SOBP: variants seen among roughly 807,000 people sequenced by gnomAD.
SOBP encodes the protein sine oculis binding protein homolog, also known as sine oculis-binding protein homolog.
SOBP carries 4 observed loss-of-function variants against 53.6 expected under a neutral mutation model. That is an observed-to-expected ratio of 0.07 (90% CI 0.04 to 0.17). The LOEUF (loss-of-function observed/expected upper bound fraction) is 0.17. Ranked by LOEUF, SOBP falls within the 10% of genes least tolerant of loss-of-function variation. The probability of loss-of-function intolerance (pLI) is 1.00; values close to 1 mark genes in which losing one functional copy is unlikely to be tolerated. For synonymous variants in SOBP, 584 were observed against 522.6 expected (o/e 1.12, Z -1.60); for missense variants, 1,088 against 1,204.7 (o/e 0.90, Z 1.43).
intron 5 of SOBP, among the ~76,000 whole-genome samples, chr6:107,602,128 A>G (rs1271838505): frequency 1.3e-5 from 2 of 152,238 alleles, no homozygotes; most frequent in Non-Finnish European, 2.9e-5. Context: ...GATGAGAGCA[A>G]TTTCCATTAA....
chr6:107,542,653 A>G (rs997990519), intron 4 of SOBP, among the ~76,000 whole-genome samples: 1 of 152,204 alleles, frequency 6.6e-6, no homozygotes, highest in Non-Finnish European at 1.5e-5. Context: ...AAAACTAAAA[A>G]TATCTTATTC....
At chr6:107,549,027 G>T (rs923092353) in intron 4 of SOBP, among the ~76,000 whole-genome samples, 1 of 152,116 alleles carries the variant, frequency 6.6e-6, no homozygotes, top group East Asian at 1.9e-4. Flanking sequence ...CAGCACTTTG[G>T]GGGGCCGAGG....
intron 4 of SOBP, among the ~76,000 whole-genome samples, chr6:107,570,397 C>T (rs1408319203): frequency 2.6e-5 from 4 of 152,152 alleles, no homozygotes; most frequent in Admixed American, 6.5e-5. Context: ...GGAATTTTTA[C>T]CTTGATATTC....
intron 6 of SOBP, among the ~76,000 whole-genome samples, chr6:107,637,909 CAGA>C (rs1475432455): frequency 2.6e-5 from 4 of 152,232 alleles, no homozygotes; most frequent in Admixed American, 1.3e-4. Flanking sequence ...CAGCCAATTT[CAGA>C]AGATGTGGTG....
chr6:107,556,486 A>G (rs1784613457), intron 4 of SOBP, among the ~76,000 whole-genome samples: 1 of 152,266 alleles, frequency 6.6e-6, no homozygotes, highest in African/African-American at 2.4e-5. Context: ...CTAGAGACCC[A>G]TCTGATCCAT....
rs530879836 is a variant in SOBP at position 107,599,656 on chromosome 6, T to C, written c.669+12481T>C. 4.0e-5 allele frequency among the ~76,000 whole-genome samples: 6 copies of C among 150,964 alleles called. No individual in the cohort carries two copies. In the South Asian group the frequency reaches 1.3e-3, roughly 32 times the overall value. On this transcript the variant is annotated intron_variant, in intron 5 of 6. Coordinates refer to ENST00000317357, the MANE Select transcript of SOBP (RefSeq NM_018013.4). Reference sequence around the variant, plus strand: ...AGCTCCCAAATTAAATTTCTTAAAATCCTACATTTCTTAATTTTTCTAATT... The same window carrying C: ...AGCTCCCAAATTAAATTTCTTAAAACCCTACATTTCTTAATTTTTCTAATT...
intron 5 of SOBP, among the ~76,000 whole-genome samples, chr6:107,621,716 G>T (rs1278979321): frequency 6.6e-6 from 1 of 152,156 alleles, no homozygotes; most frequent in Non-Finnish European, 1.5e-5. Flanking sequence ...GATTCCATTG[G>T]TAACTCTGGC....
At position 107,660,681 on chromosome 6, in the gene SOBP, G is replaced by A. The variant is rs1270963466; in HGVS notation, c.*2478G>A. ...TAAATATCAGAAAGTTCCTAAGGTGGAAAGTATGCTAATATCTAGTTCTAG... is the reference window on the plus strand; with the variant it reads ...TAAATATCAGAAAGTTCCTAAGGTGAAAAGTATGCTAATATCTAGTTCTAG... On this transcript the variant is annotated 3_prime_UTR_variant, in exon 7 of 7. Coordinates refer to ENST00000317357, the MANE Select transcript of SOBP (RefSeq NM_018013.4). Among the ~76,000 whole-genome samples the A allele has an allele frequency of 6.6e-6, 1 of 152,180 alleles. No homozygotes were observed. The highest frequency in any genetic ancestry group is 2.4e-5 in the African/African-American group (1 of 41,428).
chr6:107,506,703 C>T (rs1462748248), intron 3 of SOBP, among the ~76,000 whole-genome samples: 2 of 151,922 alleles, frequency 1.3e-5, no homozygotes, highest in South Asian at 2.1e-4. Context: ...CTGAAATCAC[C>T]TGTTTAAATG....
chr6:107,611,772 G>A (rs2115102673), intron 5 of SOBP, among the ~76,000 whole-genome samples: 1 of 152,314 alleles, frequency 6.6e-6, no homozygotes, highest in Admixed American at 6.5e-5. Context: ...AATTAAGCAT[G>A]TACGTGTAGA....
At chr6:107,610,449 G>A (rs980113442) in intron 5 of SOBP, among the ~76,000 whole-genome samples, 7 of 152,190 alleles carry the variant, frequency 4.6e-5, no homozygotes, top group Non-Finnish European at 5.9e-5. Context: ...GACACAGTAG[G>A]TCTGAGCAGC....
At chr6:107,647,865 G>T (rs1771627064) in intron 6 of SOBP, among the ~76,000 whole-genome samples, 1 of 152,112 alleles carries the variant, frequency 6.6e-6, no homozygotes, top group African/African-American at 2.4e-5. Flanking sequence ...AGAGAAAATA[G>T]GTTGTGCCTG....
intron 2 of SOBP, 62 bp from the exon 3 acceptor site, chr6:107,506,180 A>G: frequency 2.0e-6 from 3 of 1,472,798 alleles, no homozygotes; most frequent in South Asian, 2.3e-5. Flanking sequence ...AAATAAGGAA[A>G]AATTTAAGTC....
At chr6:107,599,001 G>T (rs961506013) in intron 5 of SOBP, among the ~76,000 whole-genome samples, 5 of 152,108 alleles carry the variant, frequency 3.3e-5, no homozygotes, top group African/African-American at 4.8e-5. Flanking sequence ...GGATCAGTAC[G>T]ATTTAAACTA....
At chr6:107,491,027 C>G (rs755151657) in intron 1 of SOBP, among the ~76,000 whole-genome samples, 2 of 152,128 alleles carry the variant, frequency 1.3e-5, no homozygotes, top group Non-Finnish European at 1.5e-5. Context: ...AAGAGGCTTT[C>G]CCAGTGGACG....
chr6:107,529,852 C>T (rs1037424771), intron 3 of SOBP, among the ~76,000 whole-genome samples: 1 of 152,086 alleles, frequency 6.6e-6, no homozygotes, highest in Non-Finnish European at 1.5e-5. Flanking sequence ...GCTCTTGGAA[C>T]ATTAGATTGG....
At chr6:107,639,133 C>A (rs1296859444) in intron 6 of SOBP, among the ~76,000 whole-genome samples, 4 of 152,124 alleles carry the variant, frequency 2.6e-5, no homozygotes, top group Non-Finnish European at 4.4e-5. Flanking sequence ...AAACTCCTGA[C>A]CTCAAGTGAT....
chr6:107,619,756 A>G (rs1257824207), intron 5 of SOBP, among the ~76,000 whole-genome samples: 1 of 152,086 alleles, frequency 6.6e-6, no homozygotes, highest in Non-Finnish European at 1.5e-5. Context: ...CTTTTGCACC[A>G]GCAGAAGACA....
At chr6:107,650,189 A>T (rs1771745696) in intron 6 of SOBP, among the ~76,000 whole-genome samples, 1 of 152,164 alleles carries the variant, frequency 6.6e-6, no homozygotes, top group South Asian at 2.1e-4. Flanking sequence ...AGTACTCAGG[A>T]ACCTTAGCTT....
Sources: allele counts gnomAD v4.1 joint callset (sites outside exome capture counted in the v4.1 genomes callset), GRCh38; gene constraint gnomAD v4.1.1; transcripts MANE v1.5; gene names NCBI Gene and HGNC (gene_info 2026-07-23, HGNC 2026-07-21).